FMNL2: variants seen among roughly 807,000 people sequenced by gnomAD.
FMNL2 encodes formin like 2.
A neutral mutation model predicts 130.2 loss-of-function variants in FMNL2; 51 were observed. The ratio of observed to expected loss-of-function variants is 0.39; its 90% confidence interval spans 0.31 to 0.49. The LOEUF is 0.49. FMNL2 is among the 20% of genes least tolerant of loss of function. The pLI is 0.85. For synonymous variants in FMNL2, 465 were observed against 467.1 expected (o/e 1.00, Z 0.06); for missense variants, 977 against 1,316.2 (o/e 0.74, Z 3.99).
At chr2:152,515,270 C>G (rs1692704717) in intron 1 of FMNL2, among the ~76,000 whole-genome samples, 1 of 152,150 alleles carries the variant, frequency 6.6e-6, no homozygotes, top group Non-Finnish European at 1.5e-5. Context: ...GTGTATTCAT[C>G]TTCTTTCCTT....
intron 9 of FMNL2, among the ~76,000 whole-genome samples, chr2:152,582,648 A>G (rs1696858535): frequency 6.6e-6 from 1 of 152,208 alleles, no homozygotes; most frequent in South Asian, 2.1e-4. Context: ...TTGTCTGTGA[A>G]TGTTTTTATA....
chr2:152,335,698 A>C lies in FMNL2; in HGVS notation c.95A>C (p.Glu32Ala), dbSNP rs753935136. 1 of 1,584,624 alleles carries C rather than the reference A, an allele frequency of 6.3e-7. No homozygotes were observed. The highest frequency in any genetic ancestry group is 8.6e-7 in the Non-Finnish European group (1 of 1,165,916). ...KLPMPEPGEL[E>A]ERFAIVLNAM... The stretch of plus-strand genomic sequence containing the variant: ...CCGATGCCAGAGCCAGGTGAACTGG[A>C]GGAGCGATTTGCCATCGTGCTGGTA... The change falls in exon 1 of 26, where the codon GAG becomes GCG. Residue 32 changes from glutamate to alanine, a missense_variant. Transcript: ENST00000288670.
chr2:152,404,659 T>TGGTGGC (rs1387131082), intron 1 of FMNL2, among the ~76,000 whole-genome samples: 1 of 152,142 alleles, frequency 6.6e-6, no homozygotes, highest in Non-Finnish European at 1.5e-5. Flanking sequence ...AAATTGGTGG[T>TGGTGGC]GGTGGCGGTG....
chr2:152,510,842 G>A (rs1249172757), intron 1 of FMNL2, among the ~76,000 whole-genome samples: 1 of 152,202 alleles, frequency 6.6e-6, no homozygotes, highest in African/African-American at 2.4e-5. Context: ...GAGAGACACT[G>A]TGGGTTTCTG....
intron 2 of FMNL2, among the ~76,000 whole-genome samples, chr2:152,535,182 G>A (rs1466087194): frequency 3.3e-5 from 5 of 152,018 alleles, no homozygotes; most frequent in Admixed American, 3.3e-4. Flanking sequence ...TAGATCCTTT[G>A]TGCAATTTTC....
chr2:152,399,712 A>G (rs925019458), intron 1 of FMNL2, among the ~76,000 whole-genome samples: 5 of 152,278 alleles, frequency 3.3e-5, no homozygotes, highest in Middle Eastern at 3.4e-3. Flanking sequence ...GTGCCTTTAC[A>G]CCTTGGGGCA....
intron 1 of FMNL2, among the ~76,000 whole-genome samples, chr2:152,389,310 T>C (rs540774236): frequency 6.6e-6 from 1 of 152,312 alleles, no homozygotes; most frequent in East Asian, 1.9e-4. Flanking sequence ...CAGCCATCCT[T>C]CTGCTGTATC....
chr2:152,354,408 C>T (rs1682675004), intron 1 of FMNL2, among the ~76,000 whole-genome samples: 1 of 151,968 alleles, frequency 6.6e-6, no homozygotes, highest in Non-Finnish European at 1.5e-5. Flanking sequence ...ATAAAAGATG[C>T]ATTGTTTTAA....
In FMNL2 at chr2:152,626,511, C is replaced by T. The variant is rs753145900; in HGVS notation, c.1963-14C>T. 2 of 1,582,684 alleles carry T rather than the reference C, an allele frequency of 1.3e-6. No individual in the cohort carries two copies. Among genetic ancestry groups the T allele is most frequent in the South Asian group, 2.3e-5 (2 of 85,904 alleles). ...TATAATCCAATTTTCCATGGTCATT[C>T]CTCTCTATCTTAGGATTTAAATGTG... On this transcript the variant is annotated splice_polypyrimidine_tract_variant and intron_variant, in intron 16 of 25. Coordinates refer to ENST00000288670, the MANE Select transcript of FMNL2 (RefSeq NM_052905.4).
At chr2:152,623,045 C>T (rs1263298714) in intron 15 of FMNL2, among the ~76,000 whole-genome samples, 2 of 152,104 alleles carry the variant, frequency 1.3e-5, no homozygotes, top group Non-Finnish European at 2.9e-5. Context: ...CTGGTTAAAG[C>T]CAGGAAAACC....
intron 1 of FMNL2, among the ~76,000 whole-genome samples, chr2:152,442,901 A>G (rs549772288): frequency 3.3e-4 from 50 of 152,302 alleles, no homozygotes; most frequent in African/African-American, 1.2e-3. Context: ...TCTGGGCTAG[A>G]GCCTGAGAAT....
chr2:152,508,986 C>T (rs893146574), intron 1 of FMNL2, among the ~76,000 whole-genome samples: 1 of 152,300 alleles, frequency 6.6e-6, no homozygotes. Flanking sequence ...TGTAGGTGTG[C>T]GCCCACCCTG....
At chr2:152,493,295 T>G (rs917436085) in intron 1 of FMNL2, among the ~76,000 whole-genome samples, 1 of 152,228 alleles carries the variant, frequency 6.6e-6, no homozygotes, top group Admixed American at 6.5e-5. Context: ...AGGCTTCCAG[T>G]GTAATTTCTT....
At chr2:152,523,181 A>T (rs187280915) in intron 2 of FMNL2, among the ~76,000 whole-genome samples, 15 of 152,244 alleles carry the variant, frequency 9.9e-5, no homozygotes, top group African/African-American at 2.7e-4. Flanking sequence ...TCCAAAAGAA[A>T]CTATATAAAT....
chr2:152,582,198 G>A (rs1009052662), intron 9 of FMNL2, among the ~76,000 whole-genome samples: 3 of 152,182 alleles, frequency 2.0e-5, no homozygotes, highest in Admixed American at 6.5e-5. Context: ...TGAAGTTGTG[G>A]CCTTATTGTT....
At chr2:152,643,038 C>G (rs974987621) in intron 25 of FMNL2, among the ~76,000 whole-genome samples, 1 of 151,996 alleles carries the variant, frequency 6.6e-6, no homozygotes, top group African/African-American at 2.4e-5. Context: ...CAAACAAAAA[C>G]CAAAGAACGT....
chr2:152,437,202 G>A lies in FMNL2; in HGVS notation c.118-84741G>A, dbSNP rs146632157. 7.9e-5 allele frequency among the ~76,000 whole-genome samples: 12 copies of A among 152,276 alleles called. No individual in the cohort carries two copies. The East Asian group carries it at 2.1e-3, about 27-fold the overall frequency. On this transcript the variant is annotated intron_variant, in intron 1 of 25. Transcript: ENST00000288670. ...AAAATACCATCACATTGGAGATTTA[G>A]AGATCACCATATGAATTTGTGGGGT...
At chr2:152,433,673 G>A (rs907993449) in intron 1 of FMNL2, among the ~76,000 whole-genome samples, 1 of 152,146 alleles carries the variant, frequency 6.6e-6, no homozygotes, top group Non-Finnish European at 1.5e-5. Context: ...TAATGGCCTG[G>A]AGGTCCTTGG....
intron 9 of FMNL2, among the ~76,000 whole-genome samples, chr2:152,601,502 C>T (rs1698055752): frequency 6.6e-6 from 1 of 151,142 alleles, no homozygotes; most frequent in Non-Finnish European, 1.5e-5. Context: ...GTTTTCACTA[C>T]CTTGGCCAGG....
Sources: allele counts gnomAD v4.1 joint callset (sites outside exome capture counted in the v4.1 genomes callset), GRCh38; gene constraint gnomAD v4.1.1; transcripts MANE v1.5; gene names NCBI Gene and HGNC (gene_info 2026-07-23, HGNC 2026-07-21).